Variants in GALNTL6 observed in about 807,000 individuals in gnomAD.
GALNTL6 encodes polypeptide N-acetylgalactosaminyltransferase-like 6.
A neutral mutation model predicts 73.7 loss-of-function variants in GALNTL6; 46 were observed. That is an observed-to-expected ratio of 0.62 (90% confidence interval 0.49 to 0.80). The LOEUF (loss-of-function observed/expected upper bound fraction) is 0.80. Among genes scored for constraint, GALNTL6 ranks in the 30% least tolerant of loss-of-function variants. The pLI, the probability that GALNTL6 is intolerant of heterozygous loss-of-function variation, is 0.00. For missense variants in GALNTL6, 604 were observed against 755.0 expected, an observed-to-expected ratio of 0.80 and a Z score of 2.34; for synonymous variants, 259 against 263.7, an observed-to-expected ratio of 0.98 and a Z score of 0.17.
chr4:171,861,224 G>A (rs190924206), intron 2 of GALNTL6, among the ~76,000 whole-genome samples: 3 of 152,244 alleles, frequency 2.0e-5, no homozygotes, highest in Admixed American at 2.0e-4. Context: ...TACCTCCTGA[G>A]TGTTCCTTTC....
intron 2 of GALNTL6, among the ~76,000 whole-genome samples, chr4:171,895,467 G>C (rs76498874): frequency 0.014 from 2,160 of 152,272 alleles, 45 homozygotes; most frequent in African/African-American, 0.049. Flanking sequence ...ATAGACCTCT[G>C]AGTCGTGTAT....
At chr4:171,940,095 A>C (rs1443634807) in intron 2 of GALNTL6, among the ~76,000 whole-genome samples, 1 of 152,100 alleles carries the variant, frequency 6.6e-6, no homozygotes, top group Non-Finnish European at 1.5e-5. Flanking sequence ...AGTTGATTTC[A>C]TCTATCTTGT....
intron 2 of GALNTL6, among the ~76,000 whole-genome samples, chr4:172,192,732 G>A (rs983353144): frequency 6.6e-6 from 1 of 152,200 alleles, no homozygotes; most frequent in African/African-American, 2.4e-5. Context: ...CAAGCACAGA[G>A]CTGTGCAGAT....
At chr4:171,816,385 A>T (rs1288866462) in intron 2 of GALNTL6, 1 of 151,984 alleles carries the variant, frequency 6.6e-6, no homozygotes, top group East Asian at 1.9e-4. Context: ...TGACAGTTTA[A>T]CTCTCTGATC....
At chr4:172,426,271 C>T (rs1049797608) in intron 5 of GALNTL6, among the ~76,000 whole-genome samples, 6 of 151,870 alleles carry the variant, frequency 4.0e-5, no homozygotes, top group Non-Finnish European at 5.9e-5. Context: ...TTTAGCTATT[C>T]AATGAGGATA....
At chr4:172,683,417 G>T (rs1045992539) in intron 5 of GALNTL6, among the ~76,000 whole-genome samples, 1 of 152,174 alleles carries the variant, frequency 6.6e-6, no homozygotes, top group Non-Finnish European at 1.5e-5. Flanking sequence ...GGAAATATAT[G>T]CATCCAATAT....
At chr4:172,637,622 C>T (rs1739757602) in intron 5 of GALNTL6, among the ~76,000 whole-genome samples, 1 of 152,138 alleles carries the variant, frequency 6.6e-6, no homozygotes. Context: ...ACAAACAACA[C>T]AATAAATTCT....
At chr4:171,828,791 CTTTGT>C (rs958890595) in intron 2 of GALNTL6, among the ~76,000 whole-genome samples, 6 of 151,922 alleles carry the variant, frequency 3.9e-5, no homozygotes, top group Non-Finnish European at 7.4e-5. Context: ...CCTAGCTAAT[CTTTGT>C]ATTTTTAGTT....
At chr4:172,624,758 G>T (rs895621852) in intron 5 of GALNTL6, among the ~76,000 whole-genome samples, 2 of 150,810 alleles carry the variant, frequency 1.3e-5, no homozygotes, top group African/African-American at 2.4e-5. Flanking sequence ...TGTTTTCCTT[G>T]GTAGTTTTTT....
At chr4:172,313,989 C>G (rs1314124430) in intron 4 of GALNTL6, among the ~76,000 whole-genome samples, 5 of 152,138 alleles carry the variant, frequency 3.3e-5, no homozygotes, top group Non-Finnish European at 5.9e-5. Flanking sequence ...AACGGAGAGC[C>G]AAATAATGTC....
chr4:172,848,046 C>A (rs1381553457), intron 7 of GALNTL6, among the ~76,000 whole-genome samples: 1 of 152,070 alleles, frequency 6.6e-6, no homozygotes, highest in Admixed American at 6.6e-5. Context: ...AAGGTGACAC[C>A]CATGTTTATG....
At chr4:172,974,044 A>G (rs1750699168) in intron 10 of GALNTL6, among the ~76,000 whole-genome samples, 1 of 152,362 alleles carries the variant, frequency 6.6e-6, no homozygotes, top group African/African-American at 2.4e-5. Flanking sequence ...TAACTATAAG[A>G]AAGACAAAGT....
At chr4:172,295,203 C>T (rs1239038331) in intron 3 of GALNTL6, among the ~76,000 whole-genome samples, 1 of 152,048 alleles carries the variant, frequency 6.6e-6, no homozygotes, top group East Asian at 1.9e-4. Flanking sequence ...GGGTGGATCA[C>T]CTGAGGTCAG....
intron 4 of GALNTL6, among the ~76,000 whole-genome samples, chr4:172,335,906 G>A (rs1741298850): frequency 6.6e-6 from 1 of 151,990 alleles, no homozygotes; most frequent in Non-Finnish European, 1.5e-5. Context: ...TTGGTTTTGC[G>A]ATCCTTTGTA....
intron 7 of GALNTL6, among the ~76,000 whole-genome samples, chr4:172,845,056 A>T (rs1162099736): frequency 6.6e-6 from 1 of 151,866 alleles, no homozygotes; most frequent in Non-Finnish European, 1.5e-5. Context: ...TCTACTAAAA[A>T]CAAAAACAAA....
intron 5 of GALNTL6, among the ~76,000 whole-genome samples, chr4:172,401,727 CTAAAT>C (rs1344080133): frequency 1.3e-5 from 2 of 152,088 alleles, no homozygotes; most frequent in East Asian, 1.9e-4. Flanking sequence ...ACATTTGTGG[CTAAAT>C]TAAATTATAC....
intron 5 of GALNTL6, among the ~76,000 whole-genome samples, chr4:172,438,934 T>G (rs1487541503): frequency 6.6e-6 from 1 of 152,022 alleles, no homozygotes; most frequent in Non-Finnish European, 1.5e-5. Flanking sequence ...TCTGCATTCA[T>G]CTACTTCTTT....
intron 5 of GALNTL6, among the ~76,000 whole-genome samples, chr4:172,657,271 C>A (rs949210044): frequency 6.6e-6 from 1 of 152,174 alleles, no homozygotes; most frequent in African/African-American, 2.4e-5. Flanking sequence ...TGATTAGAGT[C>A]AGTAATTATG....
chr4:172,838,907 A>G (rs1743057851), intron 7 of GALNTL6, among the ~76,000 whole-genome samples: 2 of 152,204 alleles, frequency 1.3e-5, no homozygotes, highest in Non-Finnish European at 1.5e-5. Flanking sequence ...TGAGGGGGAG[A>G]AGAGGAGAAT....
Sources: gnomAD v4.1 joint callset for allele counts (sites outside exome capture counted in the v4.1 genomes callset) on GRCh38, gnomAD v4.1.1 for gene constraint, MANE v1.5 for transcripts, NCBI Gene and HGNC (gene_info 2026-07-23, HGNC 2026-07-21) for gene names.